Variants in FAM184A observed in about 807,000 individuals in gnomAD.
FAM184A encodes the protein protein FAM184A.
A neutral mutation model predicts 143.8 loss-of-function variants in FAM184A; 99 were observed. The observed-to-expected ratio is 0.69, with a 90% CI of 0.58 to 0.81. The LOEUF (loss-of-function observed/expected upper bound fraction) is 0.81. Ranked by LOEUF, FAM184A falls within the 40% of genes least tolerant of loss-of-function variation. FAM184A has a pLI of 0.00. For synonymous variants in FAM184A, 427 were observed against 446.4 expected (o/e 0.96, Z 0.55); for missense variants, 1,217 against 1,310.5 (o/e 0.93, Z 1.10).
At chr6:119,129,346 CATACTG>C (rs1789464370) in intron 1 of FAM184A, among the ~76,000 whole-genome samples, 1 of 152,182 alleles carries the variant, frequency 6.6e-6, no homozygotes. Flanking sequence ...CTGTGGCTGA[CATACTG>C]AGAACTAACC....
At chr6:119,011,244 G>C (rs1785078944) in intron 6 of FAM184A, 65 bp downstream of exon 6, 11 of 1,385,828 alleles carry the variant, frequency 7.9e-6, no homozygotes, top group African/African-American at 1.5e-5. Flanking sequence ...CCTATACAAT[G>C]TCACCAGAAT....
chr6:118,969,442 T>A (rs931492061), intron 14 of FAM184A, among the ~76,000 whole-genome samples: 1 of 152,218 alleles, frequency 6.6e-6, no homozygotes, highest in Non-Finnish European at 1.5e-5. Context: ...AGAGAACAAG[T>A]AAGTAATATG....
At chr6:119,061,531 C>CTTTTTTTTTTTTT (rs977029986) in intron 1 of FAM184A, among the ~76,000 whole-genome samples, 9 of 58,554 alleles carry the variant, frequency 1.5e-4, no homozygotes, top group African/African-American at 4.4e-4. Context: ...AATTATTTTT[C>CTTTTTTTTTTTTT]TTTTTTTTTT....
At chr6:119,135,011 C>T (rs891730381) in intron 1 of FAM184A, among the ~76,000 whole-genome samples, 23 of 152,288 alleles carry the variant, frequency 1.5e-4, no homozygotes, top group African/African-American at 5.1e-4. Context: ...CCTCCTAGTA[C>T]GTTCCTTAAA....
chr6:119,082,288 G>A (rs1309323923), upstream of FAM184A, among the ~76,000 whole-genome samples: 1 of 152,128 alleles, frequency 6.6e-6, no homozygotes, highest in Non-Finnish European at 1.5e-5. Context: ...GAGACACAGA[G>A]CCAAATCATA....
In FAM184A at chr6:119,056,997, G is replaced by A. The variant is rs1019804421; in HGVS notation, c.159+21144C>T. Among the ~76,000 whole-genome samples, 12 of 152,150 alleles carry A rather than the reference G, an allele frequency of 7.9e-5. No individual in the cohort carries two copies. The East Asian group carries it at 9.6e-4, about 12-fold the overall frequency. ...GTTTAAGAATTAACCCATTTATGCCGAAGGTTGCAATTTTTTGAATTTTTG... is the reference window on the plus strand; with the variant it reads ...GTTTAAGAATTAACCCATTTATGCCAAAGGTTGCAATTTTTTGAATTTTTG... On this transcript the variant is annotated intron_variant, in intron 1 of 17. Transcript: ENST00000338891.
chr6:119,030,610 T>C (rs1208457216), intron 1 of FAM184A, among the ~76,000 whole-genome samples: 2 of 152,010 alleles, frequency 1.3e-5, no homozygotes, highest in Admixed American at 1.3e-4. Context: ...CAAAAATTGA[T>C]GTTATGTAAC....
intron 9 of FAM184A, among the ~76,000 whole-genome samples, chr6:118,984,813 G>A (rs532995160): frequency 6.6e-6 from 1 of 152,274 alleles, no homozygotes; most frequent in Admixed American, 6.5e-5. Flanking sequence ...AATCATCTCT[G>A]CAGATTTTCA....
Position 119,071,402 on chromosome 6 carries a change from C to G in FAM184A, c.159+6739G>C, listed in dbSNP as rs4946391. ...CTCTAAGTTAATGTTATTTTAAATA[C>G]GTTTCAGTTTGGAATGACTAAACCT... On this transcript the variant is annotated intron_variant, in intron 1 of 17. Coordinates refer to ENST00000338891, the MANE Select transcript of FAM184A (RefSeq NM_024581.6). Among the ~76,000 whole-genome samples, 503 of 152,048 alleles carry G rather than the reference C, an allele frequency of 3.3e-3. 3 individuals carry two copies. Among genetic ancestry groups the G allele is most frequent in the African/African-American group, 0.012 (491 of 41,456 alleles).
intron 1 of FAM184A, among the ~76,000 whole-genome samples, chr6:119,049,173 C>T (rs527991709): frequency 6.6e-5 from 10 of 152,198 alleles, no homozygotes; most frequent in Non-Finnish European, 1.0e-4. Flanking sequence ...ATACGCCAGG[C>T]GCGGTGGCTC....
intron 2 of FAM184A, 83 bp from the exon 3 acceptor site, chr6:119,023,163 T>A: frequency 6.9e-7 from 1 of 1,457,928 alleles, no homozygotes; most frequent in Non-Finnish European, 9.4e-7. Flanking sequence ...GGGTCAGCTT[T>A]CTCTTATTCA....
At chr6:119,065,565 T>C (rs1343912048) in intron 1 of FAM184A, among the ~76,000 whole-genome samples, 1 of 152,196 alleles carries the variant, frequency 6.6e-6, no homozygotes, top group Non-Finnish European at 1.5e-5. Flanking sequence ...TTAATAGTTA[T>C]CTAGTCCATC....
intron 1 of FAM184A, among the ~76,000 whole-genome samples, chr6:119,128,682 C>T (rs1036671164): frequency 1.3e-5 from 2 of 151,950 alleles, no homozygotes; most frequent in Non-Finnish European, 2.9e-5. Context: ...AAACTGAGGC[C>T]CCCAGTTACA....
At chr6:119,106,777 A>G (rs1262927068) in intron 1 of FAM184A, among the ~76,000 whole-genome samples, 1 of 152,248 alleles carries the variant, frequency 6.6e-6, no homozygotes, top group Non-Finnish European at 1.5e-5. Flanking sequence ...AAAGTAAAGT[A>G]ATAAGGCATG....
chr6:119,058,437 A>G (rs1787093020), intron 1 of FAM184A, among the ~76,000 whole-genome samples: 1 of 151,982 alleles, frequency 6.6e-6, no homozygotes, highest in South Asian at 2.1e-4. Flanking sequence ...TCCTGACTTC[A>G]GGTGATCTGC....
At chr6:119,028,029 G>A (rs1785727142) in intron 1 of FAM184A, among the ~76,000 whole-genome samples, 1 of 152,128 alleles carries the variant, frequency 6.6e-6, no homozygotes, top group South Asian at 2.1e-4. Context: ...AAGCCAATGT[G>A]TAACCTCCTT....
At chr6:119,070,988 T>C (rs944112388) in intron 1 of FAM184A, among the ~76,000 whole-genome samples, 1 of 152,028 alleles carries the variant, frequency 6.6e-6, no homozygotes, top group African/African-American at 2.4e-5. Flanking sequence ...CCCCATTACC[T>C]CCTATTTTCT....
At chr6:119,010,958 T>C (rs1009992801) in intron 6 of FAM184A, among the ~76,000 whole-genome samples, 1 of 152,176 alleles carries the variant, frequency 6.6e-6, no homozygotes, top group African/African-American at 2.4e-5. Context: ...TGATTCTAGC[T>C]ACCATCCTCA....
chr6:119,107,147 G>A (rs527743482), intron 1 of FAM184A, among the ~76,000 whole-genome samples: 17 of 152,280 alleles, frequency 1.1e-4, no homozygotes, highest in African/African-American at 3.6e-4. Flanking sequence ...AGCTGCATAT[G>A]AAAATAGTTT....
Sources: allele counts gnomAD v4.1 joint callset (sites outside exome capture counted in the v4.1 genomes callset), GRCh38; gene constraint gnomAD v4.1.1; transcripts MANE v1.5; gene names NCBI Gene and HGNC (gene_info 2026-07-23, HGNC 2026-07-21).